Variants in RIMS2 observed in about 807,000 individuals in gnomAD.
RIMS2 encodes regulating synaptic membrane exocytosis 2.
Under a neutral mutation model 174.4 loss-of-function variants are expected in RIMS2, and 59 were observed. That is an observed-to-expected ratio of 0.34 (90% confidence interval 0.27 to 0.42). RIMS2 has a LOEUF of 0.42. RIMS2 is among the 10% of genes least tolerant of loss of function. RIMS2 has a pLI of 1.00. For synonymous variants in RIMS2, 606 were observed against 572.5 expected (o/e 1.06, Z -0.84); for missense variants, 1,620 against 1,666.3 (o/e 0.97, Z 0.48).
intron 1 of RIMS2, among the ~76,000 whole-genome samples, chr8:103,542,146 TAAAG>T (rs1173497688): frequency 6.6e-6 from 1 of 151,912 alleles, no homozygotes; most frequent in Non-Finnish European, 1.5e-5. Context: ...AATCAGGAAT[TAAAG>T]AAAAGATATT....
In RIMS2 at chr8:103,689,875, G is replaced by A. The variant is rs189824505; in HGVS notation, c.177-7211G>A. ...TTATGTTTATCTTTATAGGTGAAGT[G>A]TGTTACTTTTAGGCAACAGAATATT... On this transcript the variant is annotated intron_variant, in intron 1 of 23. Transcript: ENST00000504942. Among the ~76,000 whole-genome samples, 11 of 151,548 alleles carry A rather than the reference G, an allele frequency of 7.3e-5. No individual in the cohort carries two copies. In the East Asian group the frequency reaches 2.1e-3, roughly 29 times the overall value.
At chr8:103,555,198 TG>T (rs1849850526) in intron 1 of RIMS2, among the ~76,000 whole-genome samples, 1 of 152,080 alleles carries the variant, frequency 6.6e-6, no homozygotes, top group East Asian at 1.9e-4. Flanking sequence ...GTTAAAAAAA[TG>T]GGCAAAGGAC....
At chr8:103,749,237 G>C (rs1416918039) in intron 2 of RIMS2, among the ~76,000 whole-genome samples, 1 of 151,624 alleles carries the variant, frequency 6.6e-6, no homozygotes, top group African/African-American at 2.4e-5. Context: ...TCAGCCTTCC[G>C]AGTAGCTGGG....
At chr8:104,241,707 A>G (rs1262916486) in intron 19 of RIMS2, among the ~76,000 whole-genome samples, 1 of 152,090 alleles carries the variant, frequency 6.6e-6, no homozygotes. Flanking sequence ...CTACATGGAG[A>G]GACACACTTG....
intron 1 of RIMS2, among the ~76,000 whole-genome samples, chr8:103,571,789 A>C (rs984704913): frequency 2.0e-5 from 3 of 151,824 alleles, no homozygotes; most frequent in Admixed American, 6.6e-5. Flanking sequence ...TATCTTTAGG[A>C]CTCTCTCCAT....
chr8:103,726,729 T>TTATATA (rs908338999), intron 2 of RIMS2, among the ~76,000 whole-genome samples: 1 of 146,662 alleles, frequency 6.8e-6, no homozygotes, highest in Non-Finnish European at 1.5e-5. Context: ...TTTATATTAA[T>TTATATA]TATATATATA....
At chr8:104,147,653 C>G (rs1229217856) in intron 19 of RIMS2, among the ~76,000 whole-genome samples, 1 of 152,138 alleles carries the variant, frequency 6.6e-6, no homozygotes, top group Non-Finnish European at 1.5e-5. Flanking sequence ...GTAAAACTTT[C>G]TAATACTGAG....
Position 103,697,289 on chromosome 8 carries a change from C to G in RIMS2, c.380C>G (p.Ser127Ter). 6.2e-7 allele frequency: 1 copy of G among 1,611,152 alleles called. No individual in the cohort carries two copies. The highest frequency in any genetic ancestry group is 8.5e-7 in the Non-Finnish European group (1 of 1,177,360). ...TGTGGAGGTCGAGTGTCATTACGCTCAAACAAGGTACAGAAATGAAAATTA... is the reference window on the plus strand; with the variant it reads ...TGTGGAGGTCGAGTGTCATTACGCTGAAACAAGGTACAGAAATGAAAATTA... Residue 127 changes from serine (S) to a stop codon, truncating the protein, a stop_gained, in exon 2 of 24, where the codon TCA becomes TGA. Transcript: ENST00000504942. LOFTEE classifies it high-confidence loss of function.
chr8:103,669,332 T>C (rs898756659), intron 1 of RIMS2, among the ~76,000 whole-genome samples: 15 of 152,192 alleles, frequency 9.9e-5, no homozygotes, highest in African/African-American at 3.6e-4. Context: ...CAATTCAAGA[T>C]GAGATTTGGG....
chr8:104,107,967 G>C lies in RIMS2; in HGVS notation c.3334+93352G>C, dbSNP rs1040315586. Among the ~76,000 whole-genome samples, 460 of 141,038 alleles carry C rather than the reference G, an allele frequency of 3.3e-3. 1 individual carries two copies. Among genetic ancestry groups the C allele is most frequent in the Non-Finnish European group, 5.0e-3 (321 of 64,572 alleles). 92.5% of individuals were successfully genotyped at this position (141,038 alleles called of 152,430 possible). A position where few individuals can be genotyped will look rare whatever the true frequency, so the allele number is the denominator to read the frequency against. On this transcript the variant is annotated intron_variant, in intron 19 of 23. Transcript: ENST00000504942. ...AAATAGTCCAGGTGGTCTTTCCCCT[G>C]CCCCCCCCCCACAATGGAAATAAAC...
chr8:103,980,041 C>T (rs148662262), intron 16 of RIMS2, among the ~76,000 whole-genome samples: 15 of 152,210 alleles, frequency 9.9e-5, no homozygotes, highest in African/African-American at 3.6e-4. Flanking sequence ...CACCTAGTGC[C>T]AGGCTGGGCT....
rs577392488 is a variant in RIMS2 at position 103,603,459 on chromosome 8, C to T, written c.177-93627C>T. Among the ~76,000 whole-genome samples, 14 of 150,466 alleles carry T rather than the reference C, an allele frequency of 9.3e-5. No individual in the cohort carries two copies. In the South Asian group the frequency reaches 1.3e-3, roughly 14 times the overall value. On this transcript the variant is annotated intron_variant, in intron 1 of 23. Transcript: ENST00000504942. ...TGTGAATAATGCCACAATAAACATA[C>T]GTGTGCATGTGTCTTTATAGCAGCA...
chr8:104,103,318 C>T (rs1030605748), intron 19 of RIMS2, among the ~76,000 whole-genome samples: 1 of 152,046 alleles, frequency 6.6e-6, no homozygotes, highest in Admixed American at 6.6e-5. Context: ...GTGATAGTCA[C>T]ACAACTTTGT....
At chr8:103,528,615 G>A (rs1352820160) in intron 1 of RIMS2, among the ~76,000 whole-genome samples, 1 of 152,176 alleles carries the variant, frequency 6.6e-6, no homozygotes, top group South Asian at 2.1e-4. Context: ...CATATGGCTA[G>A]CCAGTTTTCC....
intron 5 of RIMS2, chr8:103,910,479 G>C: frequency 6.3e-7 from 1 of 1,597,466 alleles, no homozygotes; most frequent in East Asian, 2.2e-5. Context: ...CTCTGGGGTA[G>C]ATACGTGTAG....
chr8:103,565,862 A>G (rs567999187), intron 1 of RIMS2, among the ~76,000 whole-genome samples: 59 of 152,300 alleles, frequency 3.9e-4, no homozygotes, highest in African/African-American at 1.3e-3. Flanking sequence ...GCAAAAGTAG[A>G]AAGTATTTTT....
At chr8:103,644,482 G>A (rs1395731865) in intron 1 of RIMS2, among the ~76,000 whole-genome samples, 2 of 152,030 alleles carry the variant, frequency 1.3e-5, no homozygotes, top group Non-Finnish European at 2.9e-5. Context: ...GAATGTAGGA[G>A]TTCACTGTTA....
Position 103,897,153 on chromosome 8 carries a change from C to T in RIMS2, c.1624+10930C>T, listed in dbSNP as rs141431679. ...CTTGTGAATTTTTTTCCCTTGTTGGCCTATTAATTAGCCAAGCCATTTGCC... is the reference window on the plus strand; with the variant it reads ...CTTGTGAATTTTTTTCCCTTGTTGGTCTATTAATTAGCCAAGCCATTTGCC... On this transcript the variant is annotated intron_variant, in intron 4 of 23. Coordinates refer to ENST00000504942, the Ensembl canonical transcript of RIMS2. Among the ~76,000 whole-genome samples the T allele has an allele frequency of 1.4e-4, 21 of 151,764 alleles. No individual in the cohort carries two copies. The East Asian group carries it at 4.1e-3, about 29-fold the overall frequency.
chr8:104,175,233 G>A (rs111385164), intron 19 of RIMS2, among the ~76,000 whole-genome samples: 2 of 151,810 alleles, frequency 1.3e-5, no homozygotes, highest in African/African-American at 4.8e-5. Context: ...AGAAATATCT[G>A]TCATTTATTT....
Sources: allele counts gnomAD v4.1 joint callset (sites outside exome capture counted in the v4.1 genomes callset), GRCh38; gene constraint gnomAD v4.1.1; transcripts MANE v1.5; gene names NCBI Gene and HGNC (gene_info 2026-07-23, HGNC 2026-07-21).